The following DLG2 variants were observed in gnomAD, a reference collection of about 807,000 sequenced individuals.
DLG2 encodes disks large homolog 2.
Under a neutral mutation model 132.5 loss-of-function variants are expected in DLG2, and 45 were observed. That is an observed-to-expected ratio of 0.34 (90% confidence interval 0.27 to 0.44). The LOEUF is 0.44. Among genes scored for constraint, DLG2 ranks in the 20% least tolerant of loss-of-function variants. DLG2 has a pLI of 1.00. For missense variants in DLG2, 1,045 were observed against 1,196.9 expected (o/e 0.87, Z 1.87); for synonymous variants, 424 against 419.6 (o/e 1.01, Z -0.13).
chr11:85,044,693 C>G (rs908426266), intron 6 of DLG2, among the ~76,000 whole-genome samples: 1 of 151,974 alleles, frequency 6.6e-6, no homozygotes, highest in Non-Finnish European at 1.5e-5. Flanking sequence ...CTATATGAAC[C>G]AGGGATTTGA....
chr11:85,395,859 G>T (rs1238750109), intron 3 of DLG2, among the ~76,000 whole-genome samples: 3 of 152,196 alleles, frequency 2.0e-5, no homozygotes, highest in African/African-American at 7.2e-5. Context: ...AAAGGCAGCA[G>T]ACAGCTTCTG....
intron 6 of DLG2, among the ~76,000 whole-genome samples, chr11:84,824,968 T>C (rs923328712): frequency 6.6e-6 from 1 of 151,900 alleles, no homozygotes; most frequent in Admixed American, 6.6e-5. Context: ...TGTGGGCTCT[T>C]GACATTTGGA....
chr11:83,702,422 G>T (rs2083125762), intron 18 of DLG2, among the ~76,000 whole-genome samples: 1 of 152,218 alleles, frequency 6.6e-6, no homozygotes, highest in South Asian at 2.1e-4. Context: ...AGGAGCAAAT[G>T]TAGTAATTAA....
At chr11:84,383,658 C>A (rs983192047) in intron 7 of DLG2, among the ~76,000 whole-genome samples, 3 of 152,062 alleles carry the variant, frequency 2.0e-5, no homozygotes, top group African/African-American at 7.2e-5. Context: ...TTCCAGCCAA[C>A]AGCCAATAAG....
chr11:84,418,170 A>G (rs1012283989), intron 7 of DLG2, among the ~76,000 whole-genome samples: 1 of 152,196 alleles, frequency 6.6e-6, no homozygotes, highest in African/African-American at 2.4e-5. Context: ...CGGCAGCACA[A>G]TTCCTTATTT....
intron 4 of DLG2, among the ~76,000 whole-genome samples, chr11:85,278,092 CCTAAATGTTCA>C: frequency 6.6e-6 from 1 of 152,280 alleles, no homozygotes; most frequent in South Asian, 2.1e-4. Flanking sequence ...ACCTACTAAT[CCTAAATGTTCA>C]CTATTTATAA....
At chr11:84,598,639 T>C (rs989650145) in intron 6 of DLG2, among the ~76,000 whole-genome samples, 15 of 152,204 alleles carry the variant, frequency 9.9e-5, no homozygotes, top group East Asian at 7.7e-4. Flanking sequence ...TAAAATCATA[T>C]AACAGGCCAG....
intron 6 of DLG2, among the ~76,000 whole-genome samples, chr11:85,018,775 T>C (rs1162737786): frequency 1.3e-5 from 2 of 149,794 alleles, no homozygotes; most frequent in Non-Finnish European, 3.0e-5. Flanking sequence ...TTTTATTCCA[T>C]AGAAAACATG....
intron 11 of DLG2, among the ~76,000 whole-genome samples, chr11:83,987,071 C>T (rs567280893): frequency 0.021 from 3,196 of 152,112 alleles, 42 homozygotes; most frequent in Middle Eastern, 0.034. Context: ...TTAATTTGAT[C>T]CCATTTGTCA....
intron 6 of DLG2, among the ~76,000 whole-genome samples, chr11:84,767,700 G>T (rs1049688248): frequency 6.6e-6 from 1 of 151,832 alleles, no homozygotes; most frequent in Non-Finnish European, 1.5e-5. Flanking sequence ...ACACTCACAA[G>T]AGGTCCCCTA....
At chr11:84,514,442 A>C (rs1443659227) in intron 7 of DLG2, among the ~76,000 whole-genome samples, 2 of 152,122 alleles carry the variant, frequency 1.3e-5, no homozygotes, top group African/African-American at 2.4e-5. Flanking sequence ...AAGCAACCTA[A>C]GTGTCCATCA....
chr11:83,880,704 G>C (rs914374552), intron 15 of DLG2, among the ~76,000 whole-genome samples: 1 of 152,194 alleles, frequency 6.6e-6, no homozygotes, highest in South Asian at 2.1e-4. Context: ...GTAAAGGAAA[G>C]TGCAAGTGTG....
At chr11:84,455,097 CA>C (rs1304242084) in intron 7 of DLG2, among the ~76,000 whole-genome samples, 1 of 151,184 alleles carries the variant, frequency 6.6e-6, no homozygotes, top group Non-Finnish European at 1.5e-5. Flanking sequence ...ATAAAGAAAA[CA>C]GGGGGAAACT....
chr11:83,777,440 G>A (rs1406078312), intron 18 of DLG2, among the ~76,000 whole-genome samples: 4 of 152,146 alleles, frequency 2.6e-5, no homozygotes, highest in African/African-American at 7.2e-5. Context: ...GACAGTTCAA[G>A]ACATCTCCAC....
At chr11:84,638,407 C>G (rs1197555363) in intron 6 of DLG2, among the ~76,000 whole-genome samples, 7 of 152,142 alleles carry the variant, frequency 4.6e-5, no homozygotes, top group Non-Finnish European at 1.0e-4. Flanking sequence ...CCTATGTTAT[C>G]TCATTTACAT....
intron 6 of DLG2, among the ~76,000 whole-genome samples, chr11:85,069,063 A>G (rs948807196): frequency 1.3e-5 from 2 of 151,954 alleles, no homozygotes; most frequent in Non-Finnish European, 1.5e-5. Context: ...AGGATTCCCT[A>G]TTTAATAAAT....
At chr11:85,501,057 G>A (rs1261363327) in intron 3 of DLG2, among the ~76,000 whole-genome samples, 1 of 152,094 alleles carries the variant, frequency 6.6e-6, no homozygotes, top group East Asian at 1.9e-4. Flanking sequence ...CATGGTACTG[G>A]TACCAAAACA....
intron 6 of DLG2, among the ~76,000 whole-genome samples, chr11:84,719,246 C>T (rs1190947173): frequency 6.6e-6 from 1 of 152,132 alleles, no homozygotes; most frequent in Non-Finnish European, 1.5e-5. Flanking sequence ...ACCAGCTGTC[C>T]AATCCAATCT....
intron 4 of DLG2, among the ~76,000 whole-genome samples, chr11:85,270,955 C>T (rs971961729): frequency 6.6e-6 from 1 of 152,142 alleles, no homozygotes. Context: ...GAAAGCAAAA[C>T]CCCATTTTCT....
Sources: allele counts gnomAD v4.1 joint callset (sites outside exome capture counted in the v4.1 genomes callset), GRCh38; gene constraint gnomAD v4.1.1; transcripts MANE v1.5; gene names NCBI Gene and HGNC (gene_info 2026-07-23, HGNC 2026-07-21).